FEZ1: variants seen among roughly 807,000 people sequenced by gnomAD.
The protein encoded by FEZ1 is fasciculation and elongation protein zeta 1, also known as fasciculation and elongation protein zeta-1.
A neutral mutation model predicts 49.3 loss-of-function variants in FEZ1; 20 were observed. That is an observed-to-expected ratio of 0.41 (90% CI 0.29 to 0.59). The LOEUF (loss-of-function observed/expected upper bound fraction) is 0.59, where lower values mean the gene tolerates loss of function less well. Among genes scored for constraint, FEZ1 ranks in the 20% least tolerant of loss-of-function variants. The pLI is 0.36. For synonymous variants in FEZ1, 170 were observed against 180.9 expected (o/e 0.94, Z 0.48); for missense variants, 413 against 476.0 (o/e 0.87, Z 1.23).
Position 125,460,552 on chromosome 11 carries a change from G to A in FEZ1, c.613C>T (p.Leu205=), listed in dbSNP as rs765227461. The A allele has an allele frequency of 6.2e-7, 1 of 1,614,196 alleles. No homozygotes were observed. Among genetic ancestry groups the A allele is most frequent in the South Asian group, 1.1e-5 (1 of 91,084 alleles). The change falls in exon 5 of 10, where the codon CTG becomes TTG. Residue 205 remains leucine, a synonymous_variant. Coordinates refer to ENST00000278919, the MANE Select transcript of FEZ1 (RefSeq NM_005103.5). ...TGTGTCAATGCCTGCATCTCCTGCAGGAGGACCGAGTCTGCCTGGGAGGAA... is the reference window on the plus strand; with the variant it reads ...TGTGTCAATGCCTGCATCTCCTGCAAGAGGACCGAGTCTGCCTGGGAGGAA... The part of the protein sequence containing the change: ...ETSSQADSVL[L]QEMQALTQTF...
Position 125,487,376 on chromosome 11 carries a change from A to C in FEZ1, c.311+2091T>G, listed in dbSNP as rs545342144. ...TCATAGATGAGGACCTACACAGTCA[A>C]CCAGGGTTAAATGACTTGCCCAAGG... On this transcript the variant is annotated intron_variant, in intron 2 of 9. Transcript: ENST00000278919. Among the ~76,000 whole-genome samples, 6 of 152,328 alleles carry C rather than the reference A, an allele frequency of 3.9e-5. No homozygotes were observed. The East Asian group carries it at 1.2e-3, about 29-fold the overall frequency.
chr11:125,452,416 G>A lies in FEZ1; in HGVS notation c.1021-7C>T. 1 of 1,604,396 alleles carries A rather than the reference G, an allele frequency of 6.2e-7. No homozygotes were observed. Among genetic ancestry groups the A allele is most frequent in the Non-Finnish European group, 8.5e-7 (1 of 1,171,162 alleles). On this transcript the variant is annotated splice_region_variant and splice_polypyrimidine_tract_variant and intron_variant, in intron 7 of 9. Transcript: ENST00000278919. Reference sequence around the variant, plus strand: ...GAATGACTGTGTTCAGATACTGCAAGACAAACAGCATGCAGGGGGCTTGAG... The same window carrying A: ...GAATGACTGTGTTCAGATACTGCAAAACAAACAGCATGCAGGGGGCTTGAG...
At chr11:125,492,966 T>A (rs1476805907) in intron 1 of FEZ1, among the ~76,000 whole-genome samples, 1 of 139,508 alleles carries the variant, frequency 7.2e-6, no homozygotes, top group Non-Finnish European at 1.5e-5. Context: ...AGACCCTATC[T>A]TTAAAAAAAA....
intron 3 of FEZ1, among the ~76,000 whole-genome samples, chr11:125,469,337 C>A (rs904217564): frequency 6.6e-6 from 1 of 152,202 alleles, no homozygotes; most frequent in Non-Finnish European, 1.5e-5. Context: ...CAGCTCACTG[C>A]AACCTCTGCC....
At chr11:125,472,294 C>A (rs1337731785) in intron 3 of FEZ1, among the ~76,000 whole-genome samples, 1 of 151,402 alleles carries the variant, frequency 6.6e-6, no homozygotes, top group Non-Finnish European at 1.5e-5. Flanking sequence ...TAAAGGAAAT[C>A]AAAGAAATAA....
Position 125,460,522 on chromosome 11 carries a change from A to C in FEZ1, c.643T>G (p.Phe215Val). Residue 215 changes from phenylalanine to valine, a missense_variant, in exon 5 of 10, where the codon TTC becomes GTC. By Grantham distance (50) the Phe-to-Val change is conservative. Coordinates refer to ENST00000278919, the MANE Select transcript of FEZ1 (RefSeq NM_005103.5). ...CCTTCATAGGACCAGTTGTTGTTGA[A>C]GGTCTGTGTCAATGCCTGCATCTCC... ...LQEMQALTQT[F>V]NNNWSYEGLR... 6.2e-7 allele frequency: 1 copy of C among 1,614,032 alleles called. No individual in the cohort carries two copies. The highest frequency in any genetic ancestry group is 1.1e-5 in the South Asian group (1 of 91,044).
intron 3 of FEZ1, among the ~76,000 whole-genome samples, chr11:125,466,918 C>T (rs1241876175): frequency 1.3e-5 from 2 of 151,986 alleles, no homozygotes; most frequent in East Asian, 3.8e-4. Flanking sequence ...CCTCCCCTTA[C>T]CACTATTGTT....
intron 3 of FEZ1, among the ~76,000 whole-genome samples, chr11:125,480,281 G>T (rs1957267478): frequency 6.6e-6 from 1 of 152,118 alleles, no homozygotes; most frequent in Admixed American, 6.5e-5. Flanking sequence ...GGAGGGGGTG[G>T]TGGGTAAGGC....
intron 3 of FEZ1, 65 bp downstream of exon 3, chr11:125,481,469 T>C: frequency 1.1e-6 from 1 of 917,020 alleles, no homozygotes; most frequent in East Asian, 2.4e-5. Flanking sequence ...GTTGAGTTAC[T>C]GAATGTTTTT....
chr11:125,488,497 G>A (rs1465448046), intron 2 of FEZ1, among the ~76,000 whole-genome samples: 1 of 152,136 alleles, frequency 6.6e-6, no homozygotes, highest in Non-Finnish European at 1.5e-5. Context: ...TGGCCAACAT[G>A]GTGAAACTCC....
At chr11:125,458,222 C>T (rs1431962163) in intron 5 of FEZ1, among the ~76,000 whole-genome samples, 5 of 152,206 alleles carry the variant, frequency 3.3e-5, no homozygotes, top group African/African-American at 1.2e-4. Flanking sequence ...ACCTTTGAAC[C>T]CTGACCAACC....
At chr11:125,490,255 C>T (rs1390394219) in intron 1 of FEZ1, among the ~76,000 whole-genome samples, 1 of 152,192 alleles carries the variant, frequency 6.6e-6, no homozygotes, top group Non-Finnish European at 1.5e-5. Flanking sequence ...TGAAAATTCT[C>T]CATGACTTGT....
chr11:125,495,786 G>A lies in FEZ1; in HGVS notation c.-46+335C>T, dbSNP rs75976285. Reference sequence around the variant, plus strand: ...CCTTCACACGCGCGCACACACGCGGGCACACACACGCGGACACACACACAC... The same window carrying A: ...CCTTCACACGCGCGCACACACGCGGACACACACACGCGGACACACACACAC... On this transcript the variant is annotated intron_variant, in intron 1 of 9. Coordinates refer to ENST00000278919, the MANE Select transcript of FEZ1 (RefSeq NM_005103.5). This position sits in a 1 kb window ranked among gnomAD's most constrained non-coding sequence, Gnocchi z 4.2. 8.8e-6 allele frequency: 3 copies of A among 341,442 alleles called. No homozygotes were observed. The highest frequency in any genetic ancestry group is 2.5e-5 in the African/African-American group (1 of 40,078). 21.2% of individuals were successfully genotyped at this position (341,442 alleles called of 1,614,324 possible).
chr11:125,468,178 C>G (rs566643065), intron 3 of FEZ1, among the ~76,000 whole-genome samples: 5 of 149,874 alleles, frequency 3.3e-5, no homozygotes, highest in Non-Finnish European at 7.4e-5. Context: ...CACATAATAA[C>G]TTTTTTTTTT....
intron 3 of FEZ1, among the ~76,000 whole-genome samples, chr11:125,474,466 C>A (rs896384052): frequency 1.3e-5 from 2 of 152,072 alleles, no homozygotes; most frequent in African/African-American, 2.4e-5. Flanking sequence ...CCACACTCAG[C>A]CTTCATCACA....
chr11:125,464,905 C>T (rs1001953862), intron 3 of FEZ1, among the ~76,000 whole-genome samples: 1 of 152,174 alleles, frequency 6.6e-6, no homozygotes, highest in African/African-American at 2.4e-5. Flanking sequence ...GCGATAGCCT[C>T]GTGGTTTCCA....
rs867879091 is a variant in FEZ1, at chr11:125,493,504, A to G, written c.-46+2617T>C. Among the ~76,000 whole-genome samples, 190 of 85,732 alleles carry G rather than the reference A, an allele frequency of 2.2e-3. 10 individuals are homozygous for G. The highest frequency in any genetic ancestry group is 0.011 in the Middle Eastern group (2 of 176). The allele number at this position is 85,732 out of a possible 152,430, so 56.2% of individuals were successfully genotyped here. On this transcript the variant is annotated intron_variant, in intron 1 of 9. Transcript: ENST00000278919. ...AAGGAAAGAAGGAAAGAAAGAAAGA[A>G]AGAGAGAAAGAAAGAAAGAAAGAAA...
chr11:125,483,453 G>A (rs2135780818), intron 2 of FEZ1, among the ~76,000 whole-genome samples: 1 of 152,294 alleles, frequency 6.6e-6, no homozygotes, highest in East Asian at 1.9e-4. Context: ...TTTCAGAGCA[G>A]ACTTCTTAAA....
intron 1 of FEZ1, among the ~76,000 whole-genome samples, chr11:125,492,162 T>G (rs1317535799): frequency 6.6e-6 from 1 of 152,234 alleles, no homozygotes; most frequent in Non-Finnish European, 1.5e-5. Flanking sequence ...ATCCAGTGTA[T>G]ATTTTCCATT....
Sources: allele counts gnomAD v4.1 joint callset (sites outside exome capture counted in the v4.1 genomes callset), GRCh38; gene constraint gnomAD v4.1.1; non-coding constraint Gnocchi (gnomAD v3.1); transcripts MANE v1.5; gene names NCBI Gene and HGNC (gene_info 2026-07-23, HGNC 2026-07-21).